The following CELF2 variants were observed in gnomAD, a reference collection of about 807,000 sequenced individuals.
CELF2 encodes CUGBP Elav-like family member 2, also known as CUG triplet repeat RNA-binding protein 2.
In CELF2, 8 loss-of-function variants were observed where a neutral mutation model predicts 62.6. The observed-to-expected ratio is 0.13, with a 90% confidence interval of 0.07 to 0.23. The LOEUF is 0.23. CELF2 is among the 10% of genes least tolerant of loss of function. The pLI is 1.00. For synonymous variants in CELF2, 258 were observed against 250.0 expected, an observed-to-expected ratio of 1.03 and a Z score of -0.30; for missense variants, 333 against 671.0, an observed-to-expected ratio of 0.50 and a Z score of 5.56.
chr10:10,733,243 A>T, the CELF2 span, among the ~76,000 whole-genome samples: 1 of 152,180 alleles, frequency 6.6e-6, no homozygotes, highest in Non-Finnish European at 1.5e-5. Flanking sequence ...TTTCTCTAAG[A>T]GATGTGCTAT....
intron 2 of CELF2, among the ~76,000 whole-genome samples, chr10:11,181,486 C>A (rs1299352311): frequency 1.3e-5 from 2 of 152,224 alleles, no homozygotes; most frequent in Non-Finnish European, 2.9e-5. Flanking sequence ...CTGAGTCTTG[C>A]CATTTCCTCT....
At chr10:11,081,316 C>A (rs1325080969) in intron 1 of CELF2, among the ~76,000 whole-genome samples, 1 of 152,086 alleles carries the variant, frequency 6.6e-6, no homozygotes, top group Non-Finnish European at 1.5e-5. Context: ...AAGAAAGAAG[C>A]CTTCAGGAGT....
At chr10:10,498,482 G>T in the CELF2 span, among the ~76,000 whole-genome samples, 21 of 152,228 alleles carry the variant, frequency 1.4e-4, no homozygotes, top group Non-Finnish European at 1.3e-4. Flanking sequence ...TCTGCCAGTG[G>T]TTAAAAGGAC....
intron 1 of CELF2, among the ~76,000 whole-genome samples, chr10:10,880,356 G>T (rs2061371375): frequency 6.6e-6 from 1 of 152,122 alleles, no homozygotes; most frequent in African/African-American, 2.4e-5. Context: ...TGGCTGAAAA[G>T]ATAAATGTAC....
At chr10:10,518,109 C>T in the CELF2 span, among the ~76,000 whole-genome samples, 3 of 152,194 alleles carry the variant, frequency 2.0e-5, no homozygotes, top group African/African-American at 7.2e-5. Context: ...AGTTACCAGA[C>T]GACTTCTCAA....
the CELF2 span, among the ~76,000 whole-genome samples, chr10:10,646,128 G>GT: frequency 6.6e-6 from 1 of 152,172 alleles, no homozygotes; most frequent in African/African-American, 2.4e-5. Context: ...GTGTTGGTCT[G>GT]TTTTTTCCCT....
At chr10:10,683,851 A>G in the CELF2 span, among the ~76,000 whole-genome samples, 9 of 152,196 alleles carry the variant, frequency 5.9e-5, no homozygotes, top group Non-Finnish European at 1.0e-4. Context: ...TTAAAACCCT[A>G]GAGTTTTGTC....
chr10:10,662,831 C>G, the CELF2 span, among the ~76,000 whole-genome samples: 22 of 152,186 alleles, frequency 1.4e-4, no homozygotes, highest in Admixed American at 6.5e-4. Context: ...AACCACTTGC[C>G]GAAAAAGAGA....
At chr10:10,511,663 C>T in the CELF2 span, among the ~76,000 whole-genome samples, 1 of 152,072 alleles carries the variant, frequency 6.6e-6, no homozygotes, top group East Asian at 1.9e-4. Flanking sequence ...GTTTAAATGT[C>T]ACTTCTACTA....
chr10:10,602,006 A>G, the CELF2 span, among the ~76,000 whole-genome samples: 2 of 151,566 alleles, frequency 1.3e-5, 1 homozygote. Context: ...TTTTTGTTCC[A>G]GTGTTAGTTT....
At chr10:11,166,498 A>G (rs1342374091) in intron 2 of CELF2, among the ~76,000 whole-genome samples, 3 of 152,168 alleles carry the variant, frequency 2.0e-5, no homozygotes, top group African/African-American at 7.2e-5. Context: ...AATTTAAAAT[A>G]TCTACTCTGC....
chr10:10,881,871 A>C (rs2061458891), intron 1 of CELF2, among the ~76,000 whole-genome samples: 1 of 152,090 alleles, frequency 6.6e-6, no homozygotes, highest in Non-Finnish European at 1.5e-5. Flanking sequence ...ACTGGATATT[A>C]CTCCATCTTC....
chr10:10,837,637 G>A (rs1241458520), intron 1 of CELF2, among the ~76,000 whole-genome samples: 1 of 152,098 alleles, frequency 6.6e-6, no homozygotes, highest in Non-Finnish European at 1.5e-5. Flanking sequence ...ATGCATATTA[G>A]TACAAAGTAT....
chr10:10,996,255 G>A (rs985324995), intron 2 of CELF2, among the ~76,000 whole-genome samples: 5 of 152,112 alleles, frequency 3.3e-5, no homozygotes, highest in African/African-American at 4.8e-5. Context: ...CAGAAAGCTG[G>A]GTGCAGTGCC....
chr10:10,525,580 A>T, the CELF2 span, among the ~76,000 whole-genome samples: 52 of 152,352 alleles, frequency 3.4e-4, 1 homozygote, highest in South Asian at 0.011. Flanking sequence ...CCTGTAAGTG[A>T]GACCATGCAA....
In CELF2 at chr10:11,334,012, G is replaced by GAATT. The variant is rs1241254250; in HGVS notation, c.*4962_*4965dup. 1 of 152,516 alleles carries GAATT rather than the reference G, an allele frequency of 6.6e-6. No individual in the cohort carries two copies. The highest frequency in any genetic ancestry group is 1.5e-5 in the Non-Finnish European group (1 of 68,018). 9.4% of individuals were successfully genotyped at this position (152,516 alleles called of 1,614,324 possible). On this transcript the variant is annotated 3_prime_UTR_variant, in exon 13 of 13. Coordinates refer to ENST00000633077, the MANE Select transcript of CELF2 (RefSeq NM_001326342.2). ...AGAAAGAAAGTTGCTTTTCTTTTGAGAATTAAAAACTTTGGCTTGATTTCT... is the reference window on the plus strand; with the variant it reads ...AGAAAGAAAGTTGCTTTTCTTTTGAGAATTAATTAAAAACTTTGGCTTGATTTCT...
At chr10:10,687,719 G>A in the CELF2 span, among the ~76,000 whole-genome samples, 1 of 152,144 alleles carries the variant, frequency 6.6e-6, no homozygotes, top group African/African-American at 2.4e-5. Flanking sequence ...CTAATTTCTA[G>A]AATTAATGCT....
intron 2 of CELF2, among the ~76,000 whole-genome samples, chr10:10,949,707 A>G (rs2048095965): frequency 6.6e-6 from 1 of 151,698 alleles, no homozygotes; most frequent in African/African-American, 2.4e-5. Context: ...AAGCTGAGGC[A>G]TGAGAACCAC....
At chr10:10,772,599 C>T in the CELF2 span, among the ~76,000 whole-genome samples, 1 of 152,186 alleles carries the variant, frequency 6.6e-6, no homozygotes, top group Non-Finnish European at 1.5e-5. Flanking sequence ...AACAGGTGGG[C>T]TTGGTGCTAT....
Sources: allele counts gnomAD v4.1 joint callset (sites outside exome capture counted in the v4.1 genomes callset), GRCh38; gene constraint gnomAD v4.1.1; transcripts MANE v1.5; gene names NCBI Gene and HGNC (gene_info 2026-07-23, HGNC 2026-07-21).